DCC: variants seen among roughly 807,000 people sequenced by gnomAD.
The protein encoded by DCC is netrin receptor DCC.
In DCC, 58 loss-of-function variants were observed where a neutral mutation model predicts 172.5. That is an observed-to-expected ratio of 0.34 (90% CI 0.27 to 0.42). The LOEUF (loss-of-function observed/expected upper bound fraction) is 0.42. DCC is among the 10% of genes least tolerant of loss of function. DCC has a pLI of 1.00. For missense variants in DCC, 1,740 were observed against 1,791.0 expected (o/e 0.97, Z 0.51); for synonymous variants, 709 against 644.5 (o/e 1.10, Z -1.52).
intron 2 of DCC, among the ~76,000 whole-genome samples, chr18:52,775,011 G>GA (rs529629502): frequency 1.1e-3 from 174 of 152,266 alleles, no homozygotes; most frequent in African/African-American, 4.1e-3. Context: ...TTAGAGTGGA[G>GA]TTTTTTAAAG....
At chr18:52,466,339 T>C (rs1988784899) in intron 1 of DCC, among the ~76,000 whole-genome samples, 1 of 152,150 alleles carries the variant, frequency 6.6e-6, no homozygotes, top group Non-Finnish European at 1.5e-5. Context: ...TTATGTTAAA[T>C]CAACGAAGTA....
At chr18:52,355,010 T>C (rs1984295618) in intron 1 of DCC, among the ~76,000 whole-genome samples, 1 of 152,162 alleles carries the variant, frequency 6.6e-6, no homozygotes, top group African/African-American at 2.4e-5. Context: ...TACGAATGCA[T>C]ATAGGGCATT....
chr18:53,026,182 T>C (rs2041953210), intron 5 of DCC, among the ~76,000 whole-genome samples: 2 of 152,242 alleles, frequency 1.3e-5, no homozygotes, highest in South Asian at 4.1e-4. Flanking sequence ...TATTGATATT[T>C]AATTATCTTT....
At chr18:53,450,415 G>A in intron 22 of DCC, 85 bp from the exon 23 acceptor site, 1 of 1,494,070 alleles carries the variant, frequency 6.7e-7, no homozygotes, top group Non-Finnish European at 9.3e-7. Flanking sequence ...CAGAACATTA[G>A]GAACTTTGTA....
At chr18:53,084,187 C>T (rs1453763346) in intron 7 of DCC, among the ~76,000 whole-genome samples, 8 of 152,188 alleles carry the variant, frequency 5.3e-5, no homozygotes. Context: ...CTCAGGGCAT[C>T]ACATGGCAAG....
At chr18:52,959,168 A>G (rs1323553440) in intron 5 of DCC, among the ~76,000 whole-genome samples, 2 of 152,070 alleles carry the variant, frequency 1.3e-5, no homozygotes, top group Non-Finnish European at 1.5e-5. Context: ...CTATAATTGT[A>G]AATAGGTCAA....
chr18:52,611,115 C>T (rs2144839935), intron 1 of DCC, among the ~76,000 whole-genome samples: 1 of 152,226 alleles, frequency 6.6e-6, no homozygotes, highest in Admixed American at 6.5e-5. Flanking sequence ...ATTTTCTCCA[C>T]CTATAAACCT....
At chr18:52,372,341 A>G (rs558010085) in intron 1 of DCC, among the ~76,000 whole-genome samples, 26 of 152,302 alleles carry the variant, frequency 1.7e-4, no homozygotes, top group African/African-American at 5.5e-4. Flanking sequence ...TCTCTCTTGC[A>G]AAAACACATG....
intron 1 of DCC, among the ~76,000 whole-genome samples, chr18:52,662,118 G>A (rs548312701): frequency 3.2e-4 from 49 of 152,282 alleles, no homozygotes; most frequent in African/African-American, 1.1e-3. Flanking sequence ...AGAATCAGCT[G>A]GCGGGCTTGT....
intron 1 of DCC, among the ~76,000 whole-genome samples, chr18:52,551,414 C>T (rs893403802): frequency 7.9e-5 from 12 of 151,898 alleles, no homozygotes; most frequent in Non-Finnish European, 2.9e-5. Flanking sequence ...ATAAAGAAAA[C>T]CTCAGTGACG....
At chr18:53,129,174 A>T (rs1427066500) in intron 7 of DCC, among the ~76,000 whole-genome samples, 25 of 151,972 alleles carry the variant, frequency 1.6e-4, no homozygotes, top group Admixed American at 1.6e-3. Flanking sequence ...GGCATGAGAC[A>T]CTGTTCTCAG....
At chr18:53,386,163 C>T in intron 16 of DCC, 25 bp downstream of exon 16, 2 of 1,410,092 alleles carry the variant, frequency 1.4e-6, no homozygotes, top group Non-Finnish European at 2.0e-6. Flanking sequence ...TAATCTTCCT[C>T]TGACAAAGTA....
At chr18:53,310,656 G>A (rs1051250592) in intron 13 of DCC, among the ~76,000 whole-genome samples, 7 of 151,900 alleles carry the variant, frequency 4.6e-5, no homozygotes, top group Admixed American at 3.3e-4. Flanking sequence ...GAATTTAAGA[G>A]TTTTCTTGTG....
intron 2 of DCC, among the ~76,000 whole-genome samples, chr18:52,901,277 A>G (rs1320556481): frequency 1.3e-5 from 2 of 152,046 alleles, no homozygotes; most frequent in Admixed American, 1.3e-4. Context: ...TACTGAAAAT[A>G]CAAAAATTAG....
intron 21 of DCC, 61 bp from the exon 22 acceptor site, chr18:53,435,083 C>A (rs779072732): frequency 4.0e-6 from 5 of 1,244,884 alleles, no homozygotes; most frequent in South Asian, 1.2e-5. Context: ...AATATTTATT[C>A]TTTTTGTCTT....
chr18:52,564,342 C>T (rs866801399), intron 1 of DCC, among the ~76,000 whole-genome samples: 1 of 151,770 alleles, frequency 6.6e-6, no homozygotes, highest in Non-Finnish European at 1.5e-5. Flanking sequence ...GCTGAGAATC[C>T]CTAGCTCTTC....
intron 5 of DCC, among the ~76,000 whole-genome samples, chr18:52,959,815 T>C (rs2040812633): frequency 6.6e-6 from 1 of 152,150 alleles, no homozygotes; most frequent in African/African-American, 2.4e-5. Context: ...CAATATACTA[T>C]TCAAAGAATT....
intron 22 of DCC, among the ~76,000 whole-genome samples, chr18:53,442,077 C>T (rs1328241038): frequency 6.6e-6 from 1 of 152,204 alleles, no homozygotes; most frequent in Non-Finnish European, 1.5e-5. Context: ...CCCCCACCAA[C>T]AGCCATACAT....
At chr18:52,703,817 C>A (rs927721894) in intron 1 of DCC, among the ~76,000 whole-genome samples, 8 of 148,394 alleles carry the variant, frequency 5.4e-5, no homozygotes, top group Admixed American at 4.0e-4. Context: ...AAAAACCTAA[C>A]AGATAAAAGA....
Sources: allele counts gnomAD v4.1 joint callset (sites outside exome capture counted in the v4.1 genomes callset), GRCh38; gene constraint gnomAD v4.1.1; transcripts MANE v1.5; gene names NCBI Gene and HGNC (gene_info 2026-07-23, HGNC 2026-07-21).